HLA-DPA1: variants seen among roughly 807,000 people sequenced by gnomAD.
HLA-DPA1 encodes the protein major histocompatibility complex, class II, DP alpha 1, also known as HLA class II histocompatibility antigen, DP alpha 1 chain.
Under a neutral mutation model 21.5 loss-of-function variants are expected in HLA-DPA1, and 20 were observed. That is an observed-to-expected ratio of 0.93 (90% CI 0.66 to 1.35). The LOEUF is 1.35. Ranked by LOEUF, HLA-DPA1 falls within the 40% of genes most tolerant of loss-of-function variation. The pLI is 0.00. For synonymous variants in HLA-DPA1, 123 were observed against 129.6 expected (o/e 0.95, Z 0.35); for missense variants, 279 against 323.0 (o/e 0.86, Z 1.05).
At chr6:33,069,365 A>G (rs67201607) in intron 3 of HLA-DPA1, 65 bp from the exon 3 acceptor site, 287,149 of 1,469,210 alleles carry the variant, frequency 0.2, 37,517 homozygotes, top group East Asian at 0.63. Flanking sequence ...TCCACCTCTT[A>G]GGGGAGGGTG....
intron 1 of HLA-DPA1, among the ~76,000 whole-genome samples, chr6:33,074,907 A>G (rs1762464556): frequency 6.6e-6 from 1 of 152,200 alleles, no homozygotes; most frequent in South Asian, 2.1e-4. Flanking sequence ...GACACCTTCT[A>G]CTACATAATT....
chr6:33,074,462 T>A (rs1562135365), intron 1 of HLA-DPA1, among the ~76,000 whole-genome samples: 1 of 152,208 alleles, frequency 6.6e-6, no homozygotes, highest in Admixed American at 6.5e-5. Context: ...TATTTTATAT[T>A]CTCTTTACCA....
chr6:33,070,518 A>G lies in HLA-DPA1; in HGVS notation c.101-632T>C, dbSNP rs149764916. 3.6e-3 allele frequency among the ~76,000 whole-genome samples: 543 copies of G among 152,306 alleles called. 3 individuals carry two copies. The highest frequency in any genetic ancestry group is 0.026 in the East Asian group (133 of 5,190). ...TAGAAAAAAATACAAAATTGAGAGGAAGAAGAAAATATCCTTCAAATTTTA... is the reference window on the plus strand; with the variant it reads ...TAGAAAAAAATACAAAATTGAGAGGGAGAAGAAAATATCCTTCAAATTTTA... On this transcript the variant is annotated intron_variant, in intron 2 of 5. Transcript: ENST00000419277.
At position 33,080,612 on chromosome 6, in the gene HLA-DPA1, AG is replaced by A; in HGVS notation, c.-100+67del. The A allele has an allele frequency of 6.2e-7, 1 of 1,601,814 alleles. No homozygotes were observed. Among genetic ancestry groups the A allele is most frequent in the Non-Finnish European group, 8.5e-7 (1 of 1,170,148 alleles). ...AAGAATCGTTAATATTGAGAGAGAG[AG>A]GGAGAAAGAGGATTAGATGAGAGTG... On this transcript the variant is annotated intron_variant, in intron 1 of 5. Coordinates refer to ENST00000419277, the Ensembl canonical transcript of HLA-DPA1. This position sits in a 1 kb window ranked among gnomAD's most constrained non-coding sequence, Gnocchi z 4.3.
At chr6:33,068,589 CCCTT>C (rs1562121771) in intron 5 of HLA-DPA1, 45 bp downstream of exon 4, 2 of 1,462,540 alleles carry the variant, frequency 1.4e-6, no homozygotes, top group Admixed American at 4.0e-5. Flanking sequence ...AATTTTTCCT[CCCTT>C]CCTTACATTC....
chr6:33,073,842 A>C (rs973090963), intron 1 of HLA-DPA1, 193 bp from the exon 1 acceptor site: 9 of 407,192 alleles, frequency 2.2e-5, no homozygotes, highest in Non-Finnish European at 3.5e-5. Context: ...GTTCATTTTC[A>C]GAGTTAGAGA....
rs139338683 is a variant in HLA-DPA1 at position 33,080,405 on chromosome 6, C to T, written c.-100+275G>A. ...CACCAGCAGAAGGGACTGCCTTCCC[C>T]TCAGTGCTCGCCCCTCCCTAGTGAT... On this transcript the variant is annotated intron_variant, in intron 1 of 5. Transcript: ENST00000419277. The surrounding 1 kb of genome is among the most constrained non-coding windows in gnomAD (Gnocchi z 4.3). 5.4e-3 allele frequency: 3,606 copies of T among 664,892 alleles called. 18 individuals carry two copies. Among genetic ancestry groups the T allele is most frequent in the East Asian group, 7.6e-3 (244 of 31,952 alleles). The allele number at this position is 664,892 out of a possible 1,614,324, so 41.2% of individuals were successfully genotyped here. A position where few individuals can be genotyped will look rare whatever the true frequency, so the allele number is the denominator to read the frequency against.
exon 3 of HLA-DPA1, chr6:33,069,721 C>T (rs909103108): frequency 2.5e-6 from 4 of 1,612,798 alleles, no homozygotes; most frequent in East Asian, 2.2e-5. Flanking sequence ...AGCCAGCCCG[C>T]CCTGAGCCTC....
At chr6:33,067,918 C>T (rs951365567) in intron 5 of HLA-DPA1, 1 of 152,084 alleles carries the variant, frequency 6.6e-6, no homozygotes. Context: ...AAGTTCTTAA[C>T]CTTTTGTACC....
intron 4 of HLA-DPA1, 36 bp from the exon 4 acceptor site, chr6:33,068,840 C>T (rs34370305): frequency 0.21 from 341,148 of 1,603,392 alleles, 46,889 homozygotes; most frequent in East Asian, 0.64. Context: ...TCAGGAGGTG[C>T]AGTGAGGGTG....
intron 1 of HLA-DPA1, among the ~76,000 whole-genome samples, chr6:33,074,201 T>C (rs893827168): frequency 3.9e-5 from 6 of 152,234 alleles, no homozygotes; most frequent in Admixed American, 3.9e-4. Context: ...TGTTTATCTA[T>C]TCCTGGTTAC....
chr6:33,071,258 A>T (rs556533332), intron 2 of HLA-DPA1, among the ~76,000 whole-genome samples: 2 of 152,338 alleles, frequency 1.3e-5, no homozygotes, highest in Non-Finnish European at 2.9e-5. Context: ...GGCCAAGCAA[A>T]GAGTGGTATT....
chr6:33,069,720 G>C (rs72558172), exon 3 of HLA-DPA1: 1 of 1,612,448 alleles, frequency 6.2e-7, no homozygotes, highest in Non-Finnish European at 8.5e-7. Context: ...TAGCCAGCCC[G>C]CCCTGAGCCT....
exon 4 of HLA-DPA1, chr6:33,069,267 G>C (rs1442338831): frequency 1.2e-6 from 2 of 1,613,000 alleles, no homozygotes; most frequent in South Asian, 2.2e-5. Flanking sequence ...CAGCTCCACA[G>C]GCTCCTTGGG....
chr6:33,080,340 TCCCAGTGA>T lies in HLA-DPA1; in HGVS notation c.-100+332_-100+339del. 3.9e-6 allele frequency: 2 copies of T among 513,368 alleles called. No individual in the cohort carries two copies. Among genetic ancestry groups the T allele is most frequent in the South Asian group, 1.6e-5 (1 of 61,740 alleles). 31.8% of individuals were successfully genotyped at this position (513,368 alleles called of 1,614,324 possible). A position where few individuals can be genotyped will look rare whatever the true frequency, so the allele number is the denominator to read the frequency against. ...CAGCTCCTCCCGCCCCTGTTTTTTC[TCCCAGTGA>T]CCCCACGTGAAACGTCTCCGCCTCC... On this transcript the variant is annotated intron_variant, in intron 1 of 5. Coordinates refer to ENST00000419277, the Ensembl canonical transcript of HLA-DPA1. This position sits in a 1 kb window ranked among gnomAD's most constrained non-coding sequence, Gnocchi z 4.3.
chr6:33,071,919 T>C (rs1192119417), intron 2 of HLA-DPA1, among the ~76,000 whole-genome samples: 3 of 152,126 alleles, frequency 2.0e-5, no homozygotes, highest in African/African-American at 4.8e-5. Context: ...TATTTGTGGA[T>C]TATGGGTGGT....
At chr6:33,076,448 A>G (rs1762543726) in intron 1 of HLA-DPA1, among the ~76,000 whole-genome samples, 2 of 152,134 alleles carry the variant, frequency 1.3e-5, no homozygotes, top group African/African-American at 4.8e-5. Context: ...CAGAGAGAGA[A>G]GTTGGCAAGT....
intron 2 of HLA-DPA1, among the ~76,000 whole-genome samples, chr6:33,073,047 G>A (rs1004633050): frequency 4.6e-5 from 7 of 152,186 alleles, no homozygotes; most frequent in African/African-American, 1.7e-4. Flanking sequence ...CAGAGAGATA[G>A]GAGGGCCCTG....
chr6:33,080,432 A>G lies in HLA-DPA1; in HGVS notation c.-100+248T>C. ...CAGTGCTCGCCCCTCCCTAGTGATC[A>G]CTCAGTGCCCCTGAGCTCATTCTTT... is the stretch of plus-strand genomic sequence containing the variant. On this transcript the variant is annotated intron_variant, in intron 1 of 5. Transcript: ENST00000419277. The surrounding 1 kb of genome is among the most constrained non-coding windows in gnomAD (Gnocchi z 4.3). 1 of 700,796 alleles carries G rather than the reference A, an allele frequency of 1.4e-6. No homozygotes were observed. Among genetic ancestry groups the G allele is most frequent in the South Asian group, 1.5e-5 (1 of 66,648 alleles). The allele number at this position is 700,796 out of a possible 1,614,324, so 43.4% of individuals were successfully genotyped here.
Sources: allele counts gnomAD v4.1 joint callset (sites outside exome capture counted in the v4.1 genomes callset), GRCh38; gene constraint gnomAD v4.1.1; non-coding constraint Gnocchi (gnomAD v3.1); transcripts MANE v1.5; gene names NCBI Gene and HGNC (gene_info 2026-07-23, HGNC 2026-07-21).